The following PACRG variants were observed in gnomAD, a reference collection of about 807,000 sequenced individuals.
The protein encoded by PACRG is parkin coregulated.
PACRG carries 29 observed loss-of-function variants against 29.7 expected under a neutral mutation model. That is an observed-to-expected ratio of 0.98 (90% CI 0.73 to 1.33). The LOEUF is 1.33. PACRG is among the 40% of genes most tolerant of loss of function. PACRG has a pLI of 0.00. For synonymous variants in PACRG, 116 were observed against 118.7 expected (o/e 0.98, Z 0.15); for missense variants, 279 against 316.2 (o/e 0.88, Z 0.89).
chr6:163,172,495 C>A lies in PACRG; in HGVS notation c.613+83087C>A, dbSNP rs185055735. ...TTTAGTGTACACATGCACACACACA[C>A]GCATGCATGCACGCACACATACATA... On this transcript the variant is annotated intron_variant, in intron 4 of 4. Transcript: ENST00000366888. Among the ~76,000 whole-genome samples, 760 of 152,186 alleles carry A rather than the reference C, an allele frequency of 5.0e-3. 6 individuals are homozygous for A. Among genetic ancestry groups the A allele is most frequent in the African/African-American group, 0.018 (731 of 41,504 alleles).
intron 2 of PACRG, among the ~76,000 whole-genome samples, chr6:162,832,725 CAG>C (rs1312059762): frequency 6.6e-6 from 1 of 151,900 alleles, no homozygotes; most frequent in East Asian, 1.9e-4. Context: ...TGAATAGAAA[CAG>C]AATGAGCATT....
At chr6:163,284,061 C>T (rs918977927) in intron 4 of PACRG, among the ~76,000 whole-genome samples, 2 of 151,664 alleles carry the variant, frequency 1.3e-5, no homozygotes. Context: ...TGCAGTGAGC[C>T]AAGATCAAAC....
chr6:163,168,215 G>C (rs6917448), intron 4 of PACRG, among the ~76,000 whole-genome samples: 66 of 152,310 alleles, frequency 4.3e-4, no homozygotes, highest in Non-Finnish European at 8.5e-4. Flanking sequence ...GGTGGCTCAT[G>C]CCTGTAATCC....
chr6:163,078,054 TAAAC>T (rs1234066645), intron 3 of PACRG, among the ~76,000 whole-genome samples: 2 of 152,144 alleles, frequency 1.3e-5, no homozygotes, highest in African/African-American at 2.4e-5. Context: ...AATAAATAAA[TAAAC>T]AAACCAATTC....
chr6:162,765,123 C>A (rs1281597944), intron 1 of PACRG, among the ~76,000 whole-genome samples: 2 of 151,940 alleles, frequency 1.3e-5, no homozygotes, highest in Non-Finnish European at 2.9e-5. Context: ...GTTCTCTCTA[C>A]CTATCTATTC....
intron 2 of PACRG, among the ~76,000 whole-genome samples, chr6:162,912,312 T>A (rs1796357982): frequency 6.6e-6 from 1 of 152,182 alleles, no homozygotes; most frequent in African/African-American, 2.4e-5. Flanking sequence ...GTATATGCTC[T>A]CTTATGAACT....
At chr6:163,051,245 G>C (rs751268915) in intron 2 of PACRG, 3 of 151,772 alleles carry the variant, frequency 2.0e-5, no homozygotes, top group Non-Finnish European at 4.4e-5. Flanking sequence ...TTATTCTTCT[G>C]TTTCCAGTTG....
rs1301698864 is a variant in PACRG at position 163,284,926 on chromosome 6, C to T, written c.614-29901C>T. Among the ~76,000 whole-genome samples the T allele has an allele frequency of 3.3e-5, 5 of 152,194 alleles. 1 individual carries two copies. Among genetic ancestry groups the T allele is most frequent in the Non-Finnish European group, 7.3e-5 (5 of 68,034 alleles). On this transcript the variant is annotated intron_variant, in intron 4 of 4. Coordinates refer to ENST00000366888, the MANE Select transcript of PACRG (RefSeq NM_001080379.2). The stretch of plus-strand genomic sequence containing the variant: ...TGTTTTTTAATTTTCCAAAATAGGT[C>T]TTCATTTCTCTACCACCCTAAACCA...
chr6:163,227,204 T>G (rs1781840896), intron 4 of PACRG, among the ~76,000 whole-genome samples: 2 of 152,168 alleles, frequency 1.3e-5, no homozygotes, highest in South Asian at 4.1e-4. Flanking sequence ...CCAGGAGGCC[T>G]CGGGAAGCTT....
intron 1 of PACRG, among the ~76,000 whole-genome samples, chr6:162,770,667 CCTCTT>C (rs1401186139): frequency 6.6e-6 from 1 of 152,112 alleles, no homozygotes; most frequent in South Asian, 2.1e-4. Flanking sequence ...CAGGCATCCT[CCTCTT>C]CTCAGTAGGG....
At chr6:163,163,312 C>T (rs1005185891) in intron 4 of PACRG, among the ~76,000 whole-genome samples, 4 of 152,154 alleles carry the variant, frequency 2.6e-5, no homozygotes, top group Non-Finnish European at 4.4e-5. Flanking sequence ...CACTCTGTCA[C>T]TCAGGCTGGA....
intron 4 of PACRG, among the ~76,000 whole-genome samples, chr6:163,186,597 T>C (rs1297025181): frequency 6.6e-6 from 1 of 152,132 alleles, no homozygotes; most frequent in Non-Finnish European, 1.5e-5. Flanking sequence ...CTCTGGCCGC[T>C]TCTGGCAGCC....
intron 4 of PACRG, among the ~76,000 whole-genome samples, chr6:163,210,330 T>C (rs184772863): frequency 7.9e-5 from 12 of 152,364 alleles, no homozygotes; most frequent in African/African-American, 1.2e-4. Context: ...TAATGCAGAA[T>C]ATCTTTCTAA....
intron 2 of PACRG, among the ~76,000 whole-genome samples, chr6:163,041,751 C>T (rs1431888037): frequency 6.6e-6 from 1 of 152,194 alleles, no homozygotes; most frequent in African/African-American, 2.4e-5. Context: ...CAAACGAAGA[C>T]AGAATAATCC....
intron 4 of PACRG, 39 bp from the exon 5 acceptor site, chr6:163,314,788 G>C: frequency 1.9e-6 from 3 of 1,599,054 alleles, no homozygotes; most frequent in Non-Finnish European, 2.6e-6. Context: ...GGAAATTGCA[G>C]AGAAGTAACT....
At chr6:163,286,039 G>A (rs931509693) in intron 4 of PACRG, among the ~76,000 whole-genome samples, 4 of 152,184 alleles carry the variant, frequency 2.6e-5, no homozygotes, top group Admixed American at 2.0e-4. Context: ...ATAAAAGTAT[G>A]CATATTTTGG....
At chr6:163,069,721 G>C (rs1235740129) in intron 3 of PACRG, among the ~76,000 whole-genome samples, 1 of 152,100 alleles carries the variant, frequency 6.6e-6, no homozygotes, top group Non-Finnish European at 1.5e-5. Flanking sequence ...AGAAGGCAGA[G>C]AAAGAGATGG....
chr6:163,239,046 AG>A (rs1161421054), intron 4 of PACRG, among the ~76,000 whole-genome samples: 2 of 152,206 alleles, frequency 1.3e-5, no homozygotes, highest in African/African-American at 2.4e-5. Context: ...ATGTGGTAAA[AG>A]CTTGTGAAAG....
chr6:163,135,228 G>T (rs1264175194), intron 4 of PACRG, among the ~76,000 whole-genome samples: 1 of 147,020 alleles, frequency 6.8e-6, no homozygotes, highest in Non-Finnish European at 1.5e-5. Flanking sequence ...TCGTTCTGTT[G>T]CCTGGGCTGG....
Sources: gnomAD v4.1 joint callset for allele counts (sites outside exome capture counted in the v4.1 genomes callset) on GRCh38, gnomAD v4.1.1 for gene constraint, MANE v1.5 for transcripts, NCBI Gene and HGNC (gene_info 2026-07-23, HGNC 2026-07-21) for gene names.